Variants in UNC5C observed in about 807,000 individuals in gnomAD.
The protein encoded by UNC5C is netrin receptor UNC5C.
In UNC5C, 47 loss-of-function variants were observed where a neutral mutation model predicts 99.8. The ratio of observed to expected loss-of-function variants is 0.47; its 90% CI spans 0.37 to 0.60. The LOEUF (loss-of-function observed/expected upper bound fraction) is 0.60, where lower values mean the gene tolerates loss of function less well. Ranked by LOEUF, UNC5C falls within the 20% of genes least tolerant of loss-of-function variation. The pLI is 0.00. For synonymous variants in UNC5C, 487 were observed against 452.2 expected (o/e 1.08, Z -0.98); for missense variants, 1,062 against 1,165.9 (o/e 0.91, Z 1.30).
intron 2 of UNC5C, among the ~76,000 whole-genome samples, chr4:95,329,048 T>C (rs1743013512): frequency 6.6e-6 from 1 of 152,054 alleles, no homozygotes; most frequent in Non-Finnish European, 1.5e-5. Flanking sequence ...ACCAGTGCAT[T>C]GGGAGGCTAA....
chr4:95,292,196 CACATATATAT>C (rs1446456660), intron 3 of UNC5C, among the ~76,000 whole-genome samples: 1 of 140,126 alleles, frequency 7.1e-6, no homozygotes, highest in Non-Finnish European at 1.5e-5. Context: ...TATATATATA[CACATATATAT>C]ACATATATAT....
At chr4:95,402,700 T>C (rs962530005) in intron 1 of UNC5C, among the ~76,000 whole-genome samples, 11 of 152,220 alleles carry the variant, frequency 7.2e-5, no homozygotes, top group African/African-American at 2.4e-5. Context: ...CAACTATGTC[T>C]CTTGATTGCA....
At chr4:95,282,775 T>C (rs1741106040) in intron 3 of UNC5C, among the ~76,000 whole-genome samples, 2 of 152,048 alleles carry the variant, frequency 1.3e-5, no homozygotes, top group South Asian at 4.2e-4. Flanking sequence ...GGAATGGGGG[T>C]CTTATGACCT....
chr4:95,195,319 G>A (rs78243617), intron 12 of UNC5C, among the ~76,000 whole-genome samples: 50 of 152,188 alleles, frequency 3.3e-4, no homozygotes, highest in Middle Eastern at 6.8e-3. Flanking sequence ...GCTGTACCAC[G>A]CTCCCTCCCA....
At chr4:95,175,809 A>T (rs1397890161) in intron 14 of UNC5C, among the ~76,000 whole-genome samples, 1 of 152,082 alleles carries the variant, frequency 6.6e-6, no homozygotes, top group Non-Finnish European at 1.5e-5. Flanking sequence ...AGACTGGGGA[A>T]GTTCTCCTGG....
intron 2 of UNC5C, among the ~76,000 whole-genome samples, chr4:95,323,374 A>G (rs1742763712): frequency 6.6e-6 from 1 of 152,218 alleles, no homozygotes; most frequent in South Asian, 2.1e-4. Flanking sequence ...AAGTTATCTA[A>G]GACTAATAAT....
chr4:95,548,701 G>A lies in UNC5C; in HGVS notation c.124+33C>T, dbSNP rs201030500. ...GAAGGAGGGAAGGAAGAAGCTAAGGGAGGTGGCCGCGGAGCTTGGCGGACC... is the reference window on the plus strand; with the variant it reads ...GAAGGAGGGAAGGAAGAAGCTAAGGAAGGTGGCCGCGGAGCTTGGCGGACC... On this transcript the variant is annotated intron_variant, in intron 1 of 15. Transcript: ENST00000453304. 2.5e-4 allele frequency: 399 copies of A among 1,609,334 alleles called. No individual in the cohort carries two copies. In the African/African-American group the frequency reaches 3.4e-3, roughly 14 times the overall value.
At chr4:95,273,307 G>C (rs1388631373) in intron 4 of UNC5C, among the ~76,000 whole-genome samples, 1 of 152,178 alleles carries the variant, frequency 6.6e-6, no homozygotes, top group African/African-American at 2.4e-5. Flanking sequence ...ACAGGTTTTA[G>C]AGAAAAATTC....
At chr4:95,344,695 A>G (rs7667927) in intron 1 of UNC5C, among the ~76,000 whole-genome samples, 66,524 of 151,876 alleles carry the variant, frequency 0.44, 15,336 homozygotes, top group East Asian at 0.84. Flanking sequence ...TTAAAAAGTC[A>G]GGGGACAAAG....
chr4:95,214,041 TA>T (rs1241967857), intron 10 of UNC5C, among the ~76,000 whole-genome samples: 2 of 152,200 alleles, frequency 1.3e-5, no homozygotes, highest in African/African-American at 4.8e-5. Context: ...TCTTCATCTT[TA>T]AAGTGGAGCT....
At chr4:95,174,455 T>C (rs1346351565) in intron 14 of UNC5C, among the ~76,000 whole-genome samples, 3 of 152,204 alleles carry the variant, frequency 2.0e-5, no homozygotes, top group African/African-American at 7.2e-5. Flanking sequence ...TTTGTTCTCG[T>C]TGGTTTCAAA....
At chr4:95,470,666 GC>G (rs2149474312) in intron 1 of UNC5C, among the ~76,000 whole-genome samples, 1 of 152,216 alleles carries the variant, frequency 6.6e-6, no homozygotes, top group Non-Finnish European at 1.5e-5. Context: ...ATTGCAAAAT[GC>G]TTTTGAAATA....
At chr4:95,374,534 G>A (rs765299907) in intron 1 of UNC5C, among the ~76,000 whole-genome samples, 1 of 152,074 alleles carries the variant, frequency 6.6e-6, no homozygotes, top group Non-Finnish European at 1.5e-5. Context: ...CACACTGACA[G>A]CAAGGCTTCT....
chr4:95,447,536 T>C (rs1747141087), intron 1 of UNC5C, among the ~76,000 whole-genome samples: 1 of 152,248 alleles, frequency 6.6e-6, no homozygotes, highest in Non-Finnish European at 1.5e-5. Context: ...AGTCTCACTC[T>C]GTCACCCAGG....
intron 4 of UNC5C, among the ~76,000 whole-genome samples, chr4:95,258,737 C>T (rs950756351): frequency 7.1e-6 from 1 of 140,192 alleles, no homozygotes; most frequent in Admixed American, 7.3e-5. Flanking sequence ...TGTAATCGAC[C>T]ATCTTATTCT....
chr4:95,165,066 CAG>C lies in UNC5C; in HGVS notation c.*4166_*4167del, dbSNP rs1374634393. On this transcript the variant is annotated 3_prime_UTR_variant, in exon 16 of 16. Transcript: ENST00000453304. ...AAGAGCACAGCTGCTGTGATCCTGA[CAG>C]AGACACACAGAAGGACACGAGACAA... The C allele has an allele frequency of 6.6e-6, 1 of 152,206 alleles. No homozygotes were observed. Among genetic ancestry groups the C allele is most frequent in the Non-Finnish European group, 1.5e-5 (1 of 68,038 alleles). The allele number at this position is 152,206 out of a possible 1,614,324, so 9.4% of individuals were successfully genotyped here.
intron 7 of UNC5C, among the ~76,000 whole-genome samples, chr4:95,235,013 T>C: frequency 6.6e-6 from 1 of 152,200 alleles, no homozygotes; most frequent in East Asian, 1.9e-4. Context: ...TGGGAAATAA[T>C]GTAAAACTAT....
intron 14 of UNC5C, among the ~76,000 whole-genome samples, chr4:95,172,333 G>A (rs906920121): frequency 1.3e-5 from 2 of 150,696 alleles, no homozygotes; most frequent in African/African-American, 2.4e-5. Context: ...GTCCTGAATG[G>A]TAATGCCTAG....
chr4:95,460,931 T>C (rs1747582834), intron 1 of UNC5C, among the ~76,000 whole-genome samples: 1 of 152,180 alleles, frequency 6.6e-6, no homozygotes, highest in African/African-American at 2.4e-5. Flanking sequence ...AACTGCCACA[T>C]AGGTATATGA....
Sources: allele counts gnomAD v4.1 joint callset (sites outside exome capture counted in the v4.1 genomes callset), GRCh38; gene constraint gnomAD v4.1.1; transcripts MANE v1.5; gene names NCBI Gene and HGNC (gene_info 2026-07-23, HGNC 2026-07-21).